L3MBTL3: variants seen among roughly 807,000 people sequenced by gnomAD.
The protein encoded by L3MBTL3 is L3MBTL histone methyl-lysine binding protein 3.
Under a neutral mutation model 102.3 loss-of-function variants are expected in L3MBTL3, and 27 were observed. The ratio of observed to expected loss-of-function variants is 0.26; its 90% CI spans 0.19 to 0.36. The LOEUF (loss-of-function observed/expected upper bound fraction) is 0.36. Ranked by LOEUF, L3MBTL3 falls within the 10% of genes least tolerant of loss-of-function variation. The pLI is 1.00. For missense variants in L3MBTL3, 798 were observed against 955.3 expected (o/e 0.84, Z 2.17); for synonymous variants, 340 against 320.9 (o/e 1.06, Z -0.64).
chr6:130,077,836 CT>C (rs1783055178), intron 13 of L3MBTL3, among the ~76,000 whole-genome samples: 1 of 152,130 alleles, frequency 6.6e-6, no homozygotes, highest in African/African-American at 2.4e-5. Flanking sequence ...TCCTTGGCAT[CT>C]TTTAGACCAA....
chr6:130,105,586 C>A (rs554699225), intron 19 of L3MBTL3, among the ~76,000 whole-genome samples: 77 of 142,136 alleles, frequency 5.4e-4, no homozygotes, highest in Non-Finnish European at 8.1e-4. Context: ...CATGACACTG[C>A]ACTTCAGCCT....
At chr6:130,073,652 A>G (rs1782770993) in intron 13 of L3MBTL3, among the ~76,000 whole-genome samples, 1 of 152,106 alleles carries the variant, frequency 6.6e-6, no homozygotes, top group Non-Finnish European at 1.5e-5. Flanking sequence ...TTCATGTGGA[A>G]AAAAAGTAAG....
chr6:130,095,875 G>T (rs1288190990), intron 18 of L3MBTL3, among the ~76,000 whole-genome samples: 3 of 152,160 alleles, frequency 2.0e-5, no homozygotes, highest in African/African-American at 7.2e-5. Context: ...CCATCCAGGA[G>T]GGCAGAGCCT....
intron 18 of L3MBTL3, among the ~76,000 whole-genome samples, chr6:130,095,042 T>A (rs1205203764): frequency 2.6e-5 from 4 of 152,070 alleles, no homozygotes; most frequent in Admixed American, 2.6e-4. Context: ...TCCTGTCTTT[T>A]AAAAAAATAT....
At chr6:130,021,719 T>C (rs1460076671) in intron 1 of L3MBTL3, among the ~76,000 whole-genome samples, 5 of 152,232 alleles carry the variant, frequency 3.3e-5, no homozygotes, top group African/African-American at 1.2e-4. Context: ...TTTATATAGT[T>C]TCTTAGCTGT....
intron 19 of L3MBTL3, among the ~76,000 whole-genome samples, chr6:130,110,701 T>C (rs1349493891): frequency 6.6e-6 from 1 of 152,228 alleles, no homozygotes; most frequent in Non-Finnish European, 1.5e-5. Flanking sequence ...TCTTGCCTGA[T>C]TGCCCTGGCC....
At chr6:130,084,309 T>TTA (rs1783540279) in intron 15 of L3MBTL3, among the ~76,000 whole-genome samples, 1 of 152,174 alleles carries the variant, frequency 6.6e-6, no homozygotes, top group East Asian at 1.9e-4. Flanking sequence ...ATAGCTTGCT[T>TTA]TATGATTTAG....
intron 20 of L3MBTL3, among the ~76,000 whole-genome samples, chr6:130,122,113 ATTAT>A (rs1349926775): frequency 8.5e-5 from 13 of 152,328 alleles, no homozygotes; most frequent in Admixed American, 1.3e-4. Context: ...TATAACAATA[ATTAT>A]TTATTTTTTA....
At chr6:130,077,750 A>AG (rs1471157924) in intron 13 of L3MBTL3, among the ~76,000 whole-genome samples, 2 of 152,188 alleles carry the variant, frequency 1.3e-5, no homozygotes, top group Admixed American at 6.6e-5. Flanking sequence ...TCCCATCAAG[A>AG]GGGCTGTGTT....
At chr6:130,087,395 T>C (rs1783754130) in intron 16 of L3MBTL3, among the ~76,000 whole-genome samples, 1 of 152,138 alleles carries the variant, frequency 6.6e-6, no homozygotes, top group South Asian at 2.1e-4. Flanking sequence ...AGAAGTATTT[T>C]TTAAAATAAA....
At chr6:130,061,861 C>T (rs1781921413) in intron 10 of L3MBTL3, among the ~76,000 whole-genome samples, 1 of 152,030 alleles carries the variant, frequency 6.6e-6, no homozygotes, top group South Asian at 2.1e-4. Context: ...AGAAAGGAAC[C>T]AGGAGAGGGG....
At chr6:130,101,802 A>G (rs892580669) in intron 18 of L3MBTL3, among the ~76,000 whole-genome samples, 26 of 152,222 alleles carry the variant, frequency 1.7e-4, no homozygotes, top group African/African-American at 5.8e-4. Flanking sequence ...GTTAGGCAGA[A>G]TTGGTTTTGG....
chr6:130,111,506 A>G (rs1785345213), intron 19 of L3MBTL3, among the ~76,000 whole-genome samples: 1 of 152,216 alleles, frequency 6.6e-6, no homozygotes, highest in South Asian at 2.1e-4. Flanking sequence ...GGGCTGTGGC[A>G]TCAACCCAAT....
At chr6:130,098,980 A>G (rs966078564) in intron 18 of L3MBTL3, among the ~76,000 whole-genome samples, 1 of 150,464 alleles carries the variant, frequency 6.6e-6, no homozygotes, top group Non-Finnish European at 1.5e-5. Flanking sequence ...CAATTATTGT[A>G]TATTGTATAT....
chr6:130,069,783 A>G (rs1351495612), intron 12 of L3MBTL3, among the ~76,000 whole-genome samples: 4 of 152,220 alleles, frequency 2.6e-5, no homozygotes, highest in Non-Finnish European at 4.4e-5. Flanking sequence ...CCAGCATACA[A>G]CTTAATCTTG....
At chr6:130,111,456 G>C (rs1785341851) in intron 19 of L3MBTL3, among the ~76,000 whole-genome samples, 1 of 152,204 alleles carries the variant, frequency 6.6e-6, no homozygotes, top group South Asian at 2.1e-4. Context: ...GCGCAGGTGA[G>C]ACAGGTGGAT....
At chr6:130,128,903 C>T (rs6569656) in intron 20 of L3MBTL3, among the ~76,000 whole-genome samples, 76,562 of 152,028 alleles carry the variant, frequency 0.5, 20,359 homozygotes, top group African/African-American at 0.65. Flanking sequence ...TCCGATCTAT[C>T]CAGAGAGCAT....
intron 13 of L3MBTL3, among the ~76,000 whole-genome samples, chr6:130,072,071 C>T (rs546848898): frequency 2.6e-5 from 4 of 151,954 alleles, no homozygotes; most frequent in African/African-American, 7.3e-5. Flanking sequence ...GACCCAAGTA[C>T]GGTTGGCCTT....
At chr6:130,104,861 A>G (rs1302856132) in intron 19 of L3MBTL3, among the ~76,000 whole-genome samples, 1 of 151,726 alleles carries the variant, frequency 6.6e-6, no homozygotes, top group African/African-American at 2.4e-5. Flanking sequence ...CAGTCATTTT[A>G]CTGCATACCA....
Sources: gnomAD v4.1 joint callset for allele counts (sites outside exome capture counted in the v4.1 genomes callset) on GRCh38, gnomAD v4.1.1 for gene constraint, MANE v1.5 for transcripts, NCBI Gene and HGNC (gene_info 2026-07-23, HGNC 2026-07-21) for gene names.